The following OPCML variants were observed in gnomAD, a reference collection of about 807,000 sequenced individuals.
OPCML encodes the protein opioid binding protein/cell adhesion molecule like, also known as opioid-binding protein/cell adhesion molecule.
In OPCML, 13 loss-of-function variants were observed where a neutral mutation model predicts 37.8. That is an observed-to-expected ratio of 0.34 (90% CI 0.22 to 0.55). OPCML has a LOEUF of 0.55. OPCML is among the 20% of genes least tolerant of loss of function. The pLI, the probability that OPCML is intolerant of heterozygous loss-of-function variation, is 0.91. For synonymous variants in OPCML, 176 were observed against 168.8 expected (o/e 1.04, Z -0.33); for missense variants, 341 against 435.6 (o/e 0.78, Z 1.93).
At chr11:133,331,735 A>G (rs1943624032) in intron 1 of OPCML, among the ~76,000 whole-genome samples, 1 of 152,142 alleles carries the variant, frequency 6.6e-6, no homozygotes, top group Non-Finnish European at 1.5e-5. Context: ...TAAAACATTA[A>G]TCACATCTTA....
chr11:133,326,443 GT>G (rs1355740453), intron 1 of OPCML, among the ~76,000 whole-genome samples: 1 of 142,462 alleles, frequency 7.0e-6, no homozygotes, highest in Non-Finnish European at 1.5e-5. Context: ...GTGCGTGTAT[GT>G]GTGTGTATGT....
chr11:133,072,016 G>C (rs1490452491), intron 1 of OPCML, among the ~76,000 whole-genome samples: 2 of 152,126 alleles, frequency 1.3e-5, no homozygotes, highest in African/African-American at 4.8e-5. Context: ...ACCACCAATT[G>C]CTCCTAAGTG....
chr11:132,762,679 G>A (rs1362060968), intron 2 of OPCML, among the ~76,000 whole-genome samples: 4 of 152,146 alleles, frequency 2.6e-5, no homozygotes. Flanking sequence ...AAGCTCGAGA[G>A]TCCTAGGTCA....
intron 3 of OPCML, among the ~76,000 whole-genome samples, chr11:132,590,738 T>C (rs2096483044): frequency 6.6e-6 from 1 of 152,024 alleles, no homozygotes. Flanking sequence ...GCATAAACAA[T>C]AGAGCAGTTA....
At chr11:133,460,003 T>C (rs1459152114) in intron 1 of OPCML, among the ~76,000 whole-genome samples, 2 of 151,950 alleles carry the variant, frequency 1.3e-5, no homozygotes, top group African/African-American at 4.8e-5. Context: ...TGTAAAAGAA[T>C]TGACATAATA....
At chr11:133,290,229 G>A (rs1307721771) in intron 1 of OPCML, among the ~76,000 whole-genome samples, 6 of 151,572 alleles carry the variant, frequency 4.0e-5, no homozygotes, top group East Asian at 1.9e-4. Context: ...CTGGGCACCC[G>A]TGGAGACCCA....
chr11:132,846,757 A>G (rs540261696), intron 2 of OPCML, among the ~76,000 whole-genome samples: 1 of 152,280 alleles, frequency 6.6e-6, no homozygotes, highest in East Asian at 1.9e-4. Context: ...AAGACTCCCA[A>G]CATGATCTAC....
chr11:132,917,415 T>A (rs1425306405), intron 2 of OPCML, among the ~76,000 whole-genome samples: 4 of 135,296 alleles, frequency 3.0e-5, no homozygotes, highest in African/African-American at 1.1e-4. Flanking sequence ...TCTGGAGTAG[T>A]TAGCATGTTT....
chr11:132,632,567 A>G (rs771598164), intron 3 of OPCML, among the ~76,000 whole-genome samples: 4 of 152,080 alleles, frequency 2.6e-5, no homozygotes, highest in Non-Finnish European at 4.4e-5. Flanking sequence ...ATATCATCCT[A>G]TCTCCACGCA....
At chr11:133,171,761 T>C (rs1211228277) in intron 1 of OPCML, among the ~76,000 whole-genome samples, 1 of 152,216 alleles carries the variant, frequency 6.6e-6, no homozygotes, top group Non-Finnish European at 1.5e-5. Flanking sequence ...ACTGCAATTC[T>C]TGAAAGATGT....
intron 1 of OPCML, chr11:133,004,515 G>A (rs1214339521): frequency 9.1e-6 from 9 of 985,318 alleles, no homozygotes; most frequent in African/African-American, 5.2e-5. Context: ...GCAGACGACC[G>A]AGGTCGGCCT....
At chr11:133,143,384 C>T (rs1329677164) in intron 1 of OPCML, among the ~76,000 whole-genome samples, 2 of 152,142 alleles carry the variant, frequency 1.3e-5, no homozygotes, top group Non-Finnish European at 2.9e-5. Flanking sequence ...CTCCCATTCT[C>T]TATGGGGTGG....
intron 2 of OPCML, among the ~76,000 whole-genome samples, chr11:132,890,574 C>T (rs559133099): frequency 3.3e-5 from 5 of 151,466 alleles, no homozygotes; most frequent in South Asian, 2.1e-4. Context: ...GGGCCAGGCA[C>T]GGTGGCTCAT....
chr11:132,899,816 C>A (rs931667420), intron 2 of OPCML, among the ~76,000 whole-genome samples: 1 of 152,026 alleles, frequency 6.6e-6, no homozygotes, highest in Non-Finnish European at 1.5e-5. Context: ...AGAGGCAAGG[C>A]AAATAGGTTT....
chr11:132,735,634 C>T (rs989291366), intron 2 of OPCML, among the ~76,000 whole-genome samples: 10 of 152,084 alleles, frequency 6.6e-5, no homozygotes, highest in African/African-American at 2.4e-4. Context: ...CAGGCACCCA[C>T]CACTACGCCC....
chr11:132,908,288 T>A (rs923981626), intron 2 of OPCML, among the ~76,000 whole-genome samples: 5 of 151,870 alleles, frequency 3.3e-5, no homozygotes, highest in African/African-American at 1.2e-4. Flanking sequence ...TCTCTCTCTC[T>A]CACACACACA....
At chr11:133,282,993 G>A (rs192596707) in intron 1 of OPCML, among the ~76,000 whole-genome samples, 7 of 152,240 alleles carry the variant, frequency 4.6e-5, no homozygotes, top group East Asian at 3.9e-4. Context: ...AAATAACTTC[G>A]TTTGATTTTA....
chr11:133,256,108 G>T (rs1941304702), intron 1 of OPCML, among the ~76,000 whole-genome samples: 1 of 152,172 alleles, frequency 6.6e-6, no homozygotes, highest in Admixed American at 6.5e-5. Context: ...CTATGGGATG[G>T]CTTCTAAAGT....
chr11:133,458,853 G>GTGTGTGTATATACACATAGATGCACGTA (rs1225418202), intron 1 of OPCML, among the ~76,000 whole-genome samples: 1 of 148,700 alleles, frequency 6.7e-6, no homozygotes, highest in East Asian at 2.0e-4. Context: ...AGATGCACGT[G>GTGTGTGTATATACACATAGATGCACGTA]TGTGTGTATA....
Sources: gnomAD v4.1 joint callset for allele counts (sites outside exome capture counted in the v4.1 genomes callset) on GRCh38, gnomAD v4.1.1 for gene constraint, MANE v1.5 for transcripts, NCBI Gene and HGNC (gene_info 2026-07-23, HGNC 2026-07-21) for gene names.